Variants in SHANK2 observed in about 807,000 individuals in gnomAD.
SHANK2 encodes SH3 and multiple ankyrin repeat domains 2.
In SHANK2, 43 loss-of-function variants were observed where a neutral mutation model predicts 133.7. The ratio of observed to expected loss-of-function variants is 0.32; its 90% CI spans 0.25 to 0.41. The LOEUF (loss-of-function observed/expected upper bound fraction) is 0.41, where lower values mean the gene tolerates loss of function less well. Ranked by LOEUF, SHANK2 falls within the 10% of genes least tolerant of loss-of-function variation. SHANK2 has a pLI of 1.00. For missense variants in SHANK2, 1,994 were observed against 2,235.8 expected (o/e 0.89, Z 2.18); for synonymous variants, 1,017 against 952.8 (o/e 1.07, Z -1.24).
intron 1 of SHANK2, among the ~76,000 whole-genome samples, chr11:71,249,966 C>A (rs2919726): frequency 2.0e-5 from 3 of 152,072 alleles, no homozygotes; most frequent in Non-Finnish European, 4.4e-5. Context: ...CCCCTAGAAG[C>A]CAGCATGGCC....
At chr11:70,766,338 G>T (rs1165709646) in intron 14 of SHANK2, among the ~76,000 whole-genome samples, 1 of 152,206 alleles carries the variant, frequency 6.6e-6, no homozygotes, top group Non-Finnish European at 1.5e-5. Context: ...ATATGCCTCT[G>T]TGTCATGTAA....
In SHANK2 at chr11:70,587,368, G is replaced by A. The variant is rs1049187455; in HGVS notation, c.2061+72460C>T. Reference sequence around the variant, plus strand: ...GGCAGAGGGGAGAAGCGGGGAGAGCGATCTGGAGAAAGGAGCCTGTCGCGG... The same window carrying A: ...GGCAGAGGGGAGAAGCGGGGAGAGCAATCTGGAGAAAGGAGCCTGTCGCGG... On this transcript the variant is annotated intron_variant, in intron 17 of 25. Transcript: ENST00000601538. Among the ~76,000 whole-genome samples, 69 of 152,294 alleles carry A rather than the reference G, an allele frequency of 4.5e-4. 1 individual carries two copies. The highest frequency in any genetic ancestry group is 1.5e-3 in the African/African-American group (64 of 41,572).
chr11:70,485,193 C>T lies in SHANK2; in HGVS notation c.4979+121G>A. 1 of 817,500 alleles carries T rather than the reference C, an allele frequency of 1.2e-6. No individual in the cohort carries two copies. The highest frequency in any genetic ancestry group is 2.1e-6 in the Non-Finnish European group (1 of 485,232). 50.6% of individuals were successfully genotyped at this position (817,500 alleles called of 1,614,324 possible). The stretch of plus-strand genomic sequence containing the variant: ...GTGTTACTGCATTAACAGACGTGGC[C>T]CACACAGGCTTTACGAATTCCCCTC... On this transcript the variant is annotated intron_variant, in intron 25 of 25. Transcript: ENST00000601538. This position sits in a 1 kb window ranked among gnomAD's most constrained non-coding sequence, Gnocchi z 5.8.
intron 17 of SHANK2, among the ~76,000 whole-genome samples, chr11:70,620,858 C>T (rs1554997501): frequency 2.0e-5 from 3 of 152,182 alleles, no homozygotes; most frequent in Non-Finnish European, 4.4e-5. Context: ...CGACCCCTCA[C>T]CAGGAACCAA....
chr11:70,763,047 T>C (rs1181347002), intron 14 of SHANK2, among the ~76,000 whole-genome samples: 1 of 152,146 alleles, frequency 6.6e-6, no homozygotes, highest in Non-Finnish European at 1.5e-5. Context: ...AACCACCCCC[T>C]TTCCCTGCCA....
chr11:71,057,976 C>T (rs901352486), intron 9 of SHANK2, among the ~76,000 whole-genome samples: 2 of 143,702 alleles, frequency 1.4e-5, no homozygotes, highest in East Asian at 2.0e-4. Flanking sequence ...TGCAGCGGTG[C>T]GATCACAGCT....
intron 15 of SHANK2, among the ~76,000 whole-genome samples, chr11:70,678,070 T>C (rs1392673412): frequency 6.6e-6 from 1 of 152,212 alleles, no homozygotes; most frequent in Non-Finnish European, 1.5e-5. Context: ...CCCAGCCAGT[T>C]TCTCACTTTA....
At position 70,493,305 on chromosome 11, in the gene SHANK2, C is replaced by T. The variant is rs190415357; in HGVS notation, c.2309-840G>A. ...AGGCCAGGGTGCTCGTGGCCCCAGGCGTTAGTAAGTGTTGCAGAGGGAAGG... is the reference window on the plus strand; with the variant it reads ...AGGCCAGGGTGCTCGTGGCCCCAGGTGTTAGTAAGTGTTGCAGAGGGAAGG... On this transcript the variant is annotated intron_variant, in intron 21 of 25. Coordinates refer to ENST00000601538, the MANE Select transcript of SHANK2 (RefSeq NM_012309.5). 4.2e-3 allele frequency among the ~76,000 whole-genome samples: 612 copies of T among 144,966 alleles called. 3 individuals are homozygous for T. The highest frequency in any genetic ancestry group is 4.2e-3 in the Non-Finnish European group (281 of 66,944).
intron 2 of SHANK2, among the ~76,000 whole-genome samples, chr11:71,153,955 A>G (rs12274896): frequency 0.31 from 47,524 of 151,964 alleles, 8,873 homozygotes; most frequent in African/African-American, 0.51. Flanking sequence ...GGGCAACAGA[A>G]TGAGACTCTG....
intron 14 of SHANK2, among the ~76,000 whole-genome samples, chr11:70,730,783 G>A (rs1946270923): frequency 6.6e-6 from 1 of 151,520 alleles, no homozygotes; most frequent in South Asian, 2.1e-4. Flanking sequence ...TTCCCAAAGT[G>A]GCGTCTGCTC....
chr11:70,735,511 C>T (rs1946385074), intron 14 of SHANK2, among the ~76,000 whole-genome samples: 4 of 152,176 alleles, frequency 2.6e-5, no homozygotes, highest in Admixed American at 2.6e-4. Context: ...CGAGGCCAGC[C>T]TGGCCAACAT....
At chr11:70,483,213 C>T (rs1426038831) in intron 25 of SHANK2, among the ~76,000 whole-genome samples, 1 of 152,164 alleles carries the variant, frequency 6.6e-6, no homozygotes. Context: ...GTGGACAAGC[C>T]ACTTATCCTC....
At chr11:70,862,011 T>A (rs541817893) in intron 11 of SHANK2, among the ~76,000 whole-genome samples, 1 of 148,536 alleles carries the variant, frequency 6.7e-6, no homozygotes, top group East Asian at 2.0e-4. Flanking sequence ...AGTGAAAACC[T>A]GGGAAGGATC....
At chr11:70,641,035 T>C (rs1555006137) in intron 17 of SHANK2, among the ~76,000 whole-genome samples, 2 of 152,158 alleles carry the variant, frequency 1.3e-5, no homozygotes, top group Non-Finnish European at 1.5e-5. Context: ...ATAGATCGTG[T>C]ACAGAATTTT....
chr11:71,097,617 C>A (rs1951641100), intron 6 of SHANK2, among the ~76,000 whole-genome samples: 1 of 152,180 alleles, frequency 6.6e-6, no homozygotes, highest in Non-Finnish European at 1.5e-5. Flanking sequence ...GGCTGCCCAG[C>A]AGACTGTTGG....
rs1175459229 is a variant in SHANK2, at chr11:70,807,990, C to T, written c.1494-819G>A. Among the ~76,000 whole-genome samples, 6 of 152,002 alleles carry T rather than the reference C, an allele frequency of 3.9e-5. No homozygotes were observed. The highest frequency in any genetic ancestry group is 1.9e-4 in the East Asian group (1 of 5,166). Reference sequence around the variant, plus strand: ...TTCATGGACACAGAAAGTAGAATGGCGGGTGCCGGGGGCTGGTGGAGAGAA... The same window carrying T: ...TTCATGGACACAGAAAGTAGAATGGTGGGTGCCGGGGGCTGGTGGAGAGAA... On this transcript the variant is annotated intron_variant, in intron 12 of 25. Coordinates refer to ENST00000601538, the MANE Select transcript of SHANK2 (RefSeq NM_012309.5). The surrounding 1 kb of genome is among the most constrained non-coding windows in gnomAD (Gnocchi z 4.8).
intron 17 of SHANK2, among the ~76,000 whole-genome samples, chr11:70,561,790 C>G (rs1310711086): frequency 6.6e-6 from 1 of 152,072 alleles, no homozygotes; most frequent in Non-Finnish European, 1.5e-5. Flanking sequence ...CCATCTTGGT[C>G]TCCTAAAGTG....
chr11:70,550,848 C>G (rs1411619146), intron 17 of SHANK2, among the ~76,000 whole-genome samples: 1 of 152,216 alleles, frequency 6.6e-6, no homozygotes, highest in Non-Finnish European at 1.5e-5. Context: ...GTGAGTCCAG[C>G]CTCAGGGCCT....
intron 12 of SHANK2, among the ~76,000 whole-genome samples, chr11:70,818,395 G>A (rs1555054934): frequency 1.3e-5 from 2 of 152,094 alleles, no homozygotes; most frequent in African/African-American, 2.4e-5. Context: ...TGGTCAGACC[G>A]CAGCTGCAAT....
Sources: gnomAD v4.1 joint callset for allele counts (sites outside exome capture counted in the v4.1 genomes callset) on GRCh38, gnomAD v4.1.1 for gene constraint, Gnocchi (gnomAD v3.1) non-coding constraint, MANE v1.5 for transcripts, NCBI Gene and HGNC (gene_info 2026-07-23, HGNC 2026-07-21) for gene names.